The following TMTC1 variants were observed in gnomAD, a reference collection of about 807,000 sequenced individuals.
The protein encoded by TMTC1 is protein O-mannosyl-transferase TMTC1.
TMTC1 carries 73 observed loss-of-function variants against 104.8 expected under a neutral mutation model. The observed-to-expected ratio is 0.70, with a 90% CI of 0.58 to 0.85. TMTC1 has a LOEUF of 0.85. Among genes scored for constraint, TMTC1 ranks in the 40% least tolerant of loss-of-function variants. The pLI, the probability that TMTC1 is intolerant of heterozygous loss-of-function variation, is 0.00. For synonymous variants in TMTC1, 434 were observed against 428.7 expected, an observed-to-expected ratio of 1.01 and a Z score of -0.15; for missense variants, 1,035 against 1,096.1, an observed-to-expected ratio of 0.94 and a Z score of 0.79.
At chr12:29,530,565 T>G (rs1190176981) in intron 11 of TMTC1, among the ~76,000 whole-genome samples, 1 of 152,230 alleles carries the variant, frequency 6.6e-6, no homozygotes, top group Non-Finnish European at 1.5e-5. Flanking sequence ...ACTACGCATG[T>G]GCAACCCCTT....
At chr12:29,665,224 C>T (rs79098922) in intron 5 of TMTC1, among the ~76,000 whole-genome samples, 28,037 of 152,100 alleles carry the variant, frequency 0.18, 3,094 homozygotes, top group East Asian at 0.34. Context: ...CTGGAGGAGG[C>T]CCTTCAAAAT....
intron 5 of TMTC1, among the ~76,000 whole-genome samples, chr12:29,684,172 A>G (rs1184595862): frequency 6.6e-6 from 1 of 152,210 alleles, no homozygotes; most frequent in African/African-American, 2.4e-5. Context: ...AGGAAAAACT[A>G]AACCAGTGTT....
intron 9 of TMTC1, among the ~76,000 whole-genome samples, chr12:29,565,585 G>A (rs1000335322): frequency 2.0e-4 from 30 of 152,274 alleles, no homozygotes; most frequent in African/African-American, 6.3e-4. Context: ...AGTGGCTCAC[G>A]CCTGTAACCC....
intron 5 of TMTC1, among the ~76,000 whole-genome samples, chr12:29,668,674 T>C (rs2136671633): frequency 1.3e-5 from 2 of 152,212 alleles, no homozygotes; most frequent in African/African-American, 4.8e-5. Flanking sequence ...TTGGCCAGGC[T>C]GGTCTTGAAC....
intron 5 of TMTC1, among the ~76,000 whole-genome samples, chr12:29,747,852 C>T (rs1174099138): frequency 2.0e-5 from 3 of 152,104 alleles, no homozygotes; most frequent in African/African-American, 7.2e-5. Context: ...GATGAGAAAA[C>T]TGAGGCTCAC....
intron 5 of TMTC1, among the ~76,000 whole-genome samples, chr12:29,685,774 T>TA (rs1203939140): frequency 1.3e-5 from 2 of 152,132 alleles, no homozygotes; most frequent in Non-Finnish European, 2.9e-5. Flanking sequence ...AGAGCCTCAA[T>TA]ACCAAGATTA....
chr12:29,540,826 C>A (rs143930648), intron 10 of TMTC1, among the ~76,000 whole-genome samples: 1 of 152,052 alleles, frequency 6.6e-6, no homozygotes, highest in African/African-American at 2.4e-5. Flanking sequence ...GAAACCCTGT[C>A]TCTACTAAAA....
At chr12:29,507,756 T>A (rs1254594779) in intron 17 of TMTC1, among the ~76,000 whole-genome samples, 4 of 152,204 alleles carry the variant, frequency 2.6e-5, no homozygotes, top group African/African-American at 7.2e-5. Flanking sequence ...TTTTTCAGCA[T>A]TTTTTCTGCT....
Position 29,689,978 on chromosome 12 carries a change from T to C in TMTC1, c.939-56642A>G, listed in dbSNP as rs151056018. Among the ~76,000 whole-genome samples, 25 of 152,338 alleles carry C rather than the reference T, an allele frequency of 1.6e-4. No individual in the cohort carries two copies. The East Asian group carries it at 4.0e-3, about 25-fold the overall frequency. ...ACCAAGCCCTGTTACTTAAACAAGA[T>C]TGTACCCCCAACAGCCATGCCCACA... On this transcript the variant is annotated intron_variant, in intron 5 of 17. Coordinates refer to ENST00000539277, the MANE Select transcript of TMTC1 (RefSeq NM_001193451.2).
intron 10 of TMTC1, among the ~76,000 whole-genome samples, chr12:29,546,124 A>G (rs1029743842): frequency 6.6e-6 from 1 of 152,210 alleles, no homozygotes; most frequent in Admixed American, 6.5e-5. Context: ...AAGCACTGGC[A>G]TCAGTTTCCT....
Position 29,706,102 on chromosome 12 carries a change from G to A in TMTC1, c.938+45564C>T, listed in dbSNP as rs78314163. Among the ~76,000 whole-genome samples, 317 of 152,298 alleles carry A rather than the reference G, an allele frequency of 2.1e-3. 2 individuals carry two copies. The highest frequency in any genetic ancestry group is 7.0e-3 in the African/African-American group (291 of 41,558). ...AAATCAATCTACTAGGGGTTGGTGT[G>A]TATGGCATATTGGCTGAAAGGGATG... On this transcript the variant is annotated intron_variant, in intron 5 of 17. Transcript: ENST00000539277.
intron 5 of TMTC1, among the ~76,000 whole-genome samples, chr12:29,711,564 T>C (rs1941927675): frequency 6.6e-6 from 1 of 152,190 alleles, no homozygotes. Context: ...ACTACATTTC[T>C]AACATTGTTA....
chr12:29,562,588 T>C (rs1053568705), intron 9 of TMTC1, among the ~76,000 whole-genome samples: 2 of 152,146 alleles, frequency 1.3e-5, no homozygotes, highest in African/African-American at 4.8e-5. Flanking sequence ...GCAGAATAGA[T>C]AGGAAACTGC....
At chr12:29,767,356 T>C (rs1029227815) in intron 2 of TMTC1, among the ~76,000 whole-genome samples, 3 of 152,198 alleles carry the variant, frequency 2.0e-5, no homozygotes, top group Non-Finnish European at 2.9e-5. Context: ...CTTTCTAACT[T>C]GAAGAATGTC....
At chr12:29,772,949 G>A (rs1174215597) in intron 1 of TMTC1, among the ~76,000 whole-genome samples, 2 of 152,104 alleles carry the variant, frequency 1.3e-5, no homozygotes, top group East Asian at 3.8e-4. Context: ...CTTACATTAA[G>A]TTGCAATTGG....
At chr12:29,678,209 T>C (rs1940796081) in intron 5 of TMTC1, among the ~76,000 whole-genome samples, 1 of 152,232 alleles carries the variant, frequency 6.6e-6, no homozygotes, top group Non-Finnish European at 1.5e-5. Context: ...CTCACAATTT[T>C]CTGACTTTCA....
chr12:29,502,135 CA>C lies in TMTC1; in HGVS notation c.*4710del, dbSNP rs907976931. The C allele has an allele frequency of 3.9e-5, 6 of 152,118 alleles. No individual in the cohort carries two copies. Among genetic ancestry groups the C allele is most frequent in the African/African-American group, 1.4e-4 (6 of 41,490 alleles). The allele number at this position is 152,118 out of a possible 1,614,324, so 9.4% of individuals were successfully genotyped here. On this transcript the variant is annotated 3_prime_UTR_variant, in exon 18 of 18. Transcript: ENST00000539277. Reference sequence around the variant, plus strand: ...CAGGTACTTAATTCTTTTTAAATGTCAAAAGATACCATTTAAATAGCTAAGT... The same window carrying C: ...CAGGTACTTAATTCTTTTTAAATGTCAAAGATACCATTTAAATAGCTAAGT...
At chr12:29,658,890 G>T (rs1939884075) in intron 5 of TMTC1, 1 of 152,176 alleles carries the variant, frequency 6.6e-6, no homozygotes, top group South Asian at 2.1e-4. Context: ...CTGAAGGAAG[G>T]TATTAAAACT....
chr12:29,529,481 G>A (rs1173838687), intron 11 of TMTC1, among the ~76,000 whole-genome samples: 1 of 152,094 alleles, frequency 6.6e-6, no homozygotes, highest in Non-Finnish European at 1.5e-5. Flanking sequence ...TAGCCAAATG[G>A]CTTTATTAGT....
Sources: allele counts gnomAD v4.1 joint callset (sites outside exome capture counted in the v4.1 genomes callset), GRCh38; gene constraint gnomAD v4.1.1; transcripts MANE v1.5; gene names NCBI Gene and HGNC (gene_info 2026-07-23, HGNC 2026-07-21).